The following GRIK2 variants were observed in gnomAD, a reference collection of about 807,000 sequenced individuals.
The protein encoded by GRIK2 is glutamate ionotropic receptor kainate type subunit 2, also known as glutamate receptor ionotropic, kainate 2.
A neutral mutation model predicts 100.3 loss-of-function variants in GRIK2; 32 were observed. That is an observed-to-expected ratio of 0.32 (90% CI 0.24 to 0.43). The LOEUF is 0.43. GRIK2 is among the 20% of genes least tolerant of loss of function. The pLI is 1.00. For synonymous variants in GRIK2, 417 were observed against 389.4 expected, an observed-to-expected ratio of 1.07 and a Z score of -0.83; for missense variants, 843 against 1,114.9, an observed-to-expected ratio of 0.76 and a Z score of 3.47.
chr6:101,576,831 T>A (rs1012405288), intron 2 of GRIK2, among the ~76,000 whole-genome samples: 1 of 152,202 alleles, frequency 6.6e-6, no homozygotes, highest in African/African-American at 2.4e-5. Context: ...TGTACACTTT[T>A]ATCTAAGTGT....
chr6:101,937,685 C>CA (rs914899620), intron 14 of GRIK2, among the ~76,000 whole-genome samples: 1 of 151,448 alleles, frequency 6.6e-6, no homozygotes, highest in Admixed American at 6.6e-5. Context: ...AACATACAAA[C>CA]AAAAAAACCC....
rs117525654 is a variant in GRIK2 at position 101,933,004 on chromosome 6, C to T, written c.2085+4372C>T. Among the ~76,000 whole-genome samples the T allele has an allele frequency of 5.7e-3, 869 of 151,980 alleles. 3 individuals are homozygous for T. The highest frequency in any genetic ancestry group is 9.3e-3 in the Non-Finnish European group (634 of 67,866). On this transcript the variant is annotated intron_variant, in intron 14 of 16. Transcript: ENST00000369134. ...CTTATACTGTAAAAGCCACACACGC[C>T]GTTCTTTTAAAGGCATGCCTCTCTT...
Position 101,952,212 on chromosome 6 carries a change from C to A in GRIK2, c.2085+23580C>A, listed in dbSNP as rs183833195. Among the ~76,000 whole-genome samples the A allele has an allele frequency of 9.2e-5, 14 of 152,294 alleles. 1 individual carries two copies. Among genetic ancestry groups the A allele is most frequent in the Admixed American group, 8.5e-4 (13 of 15,292 alleles). ...TTTGGTATTAGCTTTTTCCACTTAG[C>A]TTAATTCTCTGGAGGTTCATCCAGG... On this transcript the variant is annotated intron_variant, in intron 14 of 16. Transcript: ENST00000369134.
chr6:101,849,395 T>G (rs1783988098), intron 10 of GRIK2, among the ~76,000 whole-genome samples: 1 of 152,076 alleles, frequency 6.6e-6, no homozygotes, highest in African/African-American at 2.4e-5. Context: ...TCTTGAGCCC[T>G]TAGGGGGAAA....
At chr6:101,560,652 ATAATT>A (rs1192914290) in intron 2 of GRIK2, among the ~76,000 whole-genome samples, 25 of 151,532 alleles carry the variant, frequency 1.6e-4, no homozygotes, top group African/African-American at 5.8e-4. Flanking sequence ...TTCAGAAGAC[ATAATT>A]TAAGTAATTC....
intron 14 of GRIK2, among the ~76,000 whole-genome samples, chr6:101,969,049 A>G (rs1379516029): frequency 6.6e-6 from 1 of 152,070 alleles, no homozygotes; most frequent in East Asian, 1.9e-4. Flanking sequence ...TTGAATTATA[A>G]TAAAGTGACT....
At chr6:101,661,764 A>G (rs1254866750) in intron 4 of GRIK2, among the ~76,000 whole-genome samples, 1 of 152,012 alleles carries the variant, frequency 6.6e-6, no homozygotes, top group African/African-American at 2.4e-5. Context: ...GTGTGAGGCG[A>G]TGCCCCACCA....
At chr6:101,907,156 A>G (rs1206195900) in intron 12 of GRIK2, among the ~76,000 whole-genome samples, 1 of 151,798 alleles carries the variant, frequency 6.6e-6, no homozygotes, top group Non-Finnish European at 1.5e-5. Flanking sequence ...GATATATAAC[A>G]TTTAAATAAG....
chr6:101,620,480 AC>A, intron 2 of GRIK2, among the ~76,000 whole-genome samples: 1 of 152,186 alleles, frequency 6.6e-6, no homozygotes, highest in South Asian at 2.1e-4. Context: ...AATTTGCCTC[AC>A]CCCTCTAGTC....
chr6:101,665,548 C>T (rs1270515905), intron 4 of GRIK2, among the ~76,000 whole-genome samples: 4 of 152,212 alleles, frequency 2.6e-5, no homozygotes, highest in Non-Finnish European at 5.9e-5. Flanking sequence ...ACATCCTTGG[C>T]AAGTTCCTGC....
intron 7 of GRIK2, among the ~76,000 whole-genome samples, chr6:101,691,175 A>G (rs2128346896): frequency 6.6e-6 from 1 of 152,194 alleles, no homozygotes; most frequent in East Asian, 1.9e-4. Context: ...TAGTTCCTCT[A>G]ATTTCCCCAA....
Position 101,592,615 on chromosome 6 carries a change from A to ATATATATATATATATATG in GRIK2, c.116-29325_116-29324insATATATATGTATATATAT, listed in dbSNP as rs887154272. Among the ~76,000 whole-genome samples the ATATATATATATATATATG allele has an allele frequency of 1.3e-3, 170 of 127,754 alleles. 2 individuals carry two copies. The highest frequency in any genetic ancestry group is 5.6e-3 in the African/African-American group (168 of 30,242). The allele number at this position is 127,754 out of a possible 152,430, so 83.8% of individuals were successfully genotyped here. ...TATATATATATATATATATATATAT[A>ATATATATATATATATATG]TATATATATTGCTTTTTCACAGACA... is the stretch of plus-strand genomic sequence containing the variant. On this transcript the variant is annotated intron_variant, in intron 2 of 16. Transcript: ENST00000369134.
At chr6:101,455,856 T>C (rs937956829) in intron 2 of GRIK2, among the ~76,000 whole-genome samples, 6 of 152,114 alleles carry the variant, frequency 3.9e-5, no homozygotes, top group Non-Finnish European at 1.5e-5. Context: ...CTGAATGGGA[T>C]CTGATTGTAC....
rs572449694 is a variant in GRIK2, at chr6:101,621,303, A to C, written c.116-646A>C. Among the ~76,000 whole-genome samples, 7 of 152,214 alleles carry C rather than the reference A, an allele frequency of 4.6e-5. No individual in the cohort carries two copies. The East Asian group carries it at 1.4e-3, about 29-fold the overall frequency. ...CCCCGACTATACAAAAAATACAAAA[A>C]TTAGCTGGAAATGATGGCACACGCC... is the stretch of plus-strand genomic sequence containing the variant. On this transcript the variant is annotated intron_variant, in intron 2 of 16. Coordinates refer to ENST00000369134, the MANE Select transcript of GRIK2 (RefSeq NM_021956.5).
At chr6:101,651,937 A>G (rs1781815444) in intron 4 of GRIK2, among the ~76,000 whole-genome samples, 1 of 152,144 alleles carries the variant, frequency 6.6e-6, no homozygotes, top group Non-Finnish European at 1.5e-5. Flanking sequence ...CTCTAAGATA[A>G]GAAGAAAACT....
chr6:101,412,090 A>G (rs1452090520), intron 2 of GRIK2, among the ~76,000 whole-genome samples: 3 of 151,936 alleles, frequency 2.0e-5, no homozygotes, highest in African/African-American at 7.2e-5. Context: ...AAACATGGAA[A>G]TCTCTTGGAC....
At chr6:101,623,461 G>A (rs901442180) in intron 3 of GRIK2, among the ~76,000 whole-genome samples, 2 of 152,048 alleles carry the variant, frequency 1.3e-5, no homozygotes, top group African/African-American at 4.8e-5. Flanking sequence ...TTTGATTAGT[G>A]GCATAGTTCA....
chr6:101,913,356 A>G (rs533905952), intron 12 of GRIK2, among the ~76,000 whole-genome samples: 11 of 151,756 alleles, frequency 7.2e-5, no homozygotes, highest in Non-Finnish European at 1.5e-4. Context: ...AATCTTCTAC[A>G]TCCACTGGCA....
intron 14 of GRIK2, among the ~76,000 whole-genome samples, chr6:101,931,297 T>C (rs1245370255): frequency 2.0e-5 from 3 of 152,158 alleles, no homozygotes; most frequent in Admixed American, 2.0e-4. Flanking sequence ...TACAATTCTT[T>C]CATTTTTCAT....
Sources: allele counts gnomAD v4.1 joint callset (sites outside exome capture counted in the v4.1 genomes callset), GRCh38; gene constraint gnomAD v4.1.1; transcripts MANE v1.5; gene names NCBI Gene and HGNC (gene_info 2026-07-23, HGNC 2026-07-21).